The following CMPK1 variants were observed in gnomAD, a reference collection of about 807,000 sequenced individuals.
CMPK1 encodes cytidine/uridine monophosphate kinase 1, also known as UMP-CMP kinase.
CMPK1 carries 10 observed loss-of-function variants against 25.7 expected under a neutral mutation model. That is an observed-to-expected ratio of 0.39 (90% CI 0.24 to 0.66). The LOEUF (loss-of-function observed/expected upper bound fraction) is 0.66. Ranked by LOEUF, CMPK1 falls within the 30% of genes least tolerant of loss-of-function variation. CMPK1 has a pLI of 0.48. For synonymous variants in CMPK1, 106 were observed against 101.5 expected (o/e 1.04, Z -0.27); for missense variants, 199 against 280.5 (o/e 0.71, Z 2.08).
At chr1:47,376,197 A>G (rs1180487325) in intron 5 of CMPK1, among the ~76,000 whole-genome samples, 1 of 151,898 alleles carries the variant, frequency 6.6e-6, no homozygotes, top group African/African-American at 2.4e-5. Context: ...GTCTAAAGTA[A>G]AATAGATGAA....
Position 47,368,479 on chromosome 1 carries a change from A to G in CMPK1, c.182A>G (p.Tyr61Cys). Residue 61 changes from tyrosine (Y) to cysteine (C), a missense_variant, in exon 2 of 6, where the codon TAC becomes TGC. Physicochemically the swap from Tyr to Cys is radical, Grantham distance 194. This residue lies in a region of CMPK1 where 140 missense variants were observed against 235.5 expected (regional missense o/e 0.59). Coordinates refer to ENST00000371873, the MANE Select transcript of CMPK1 (RefSeq NM_016308.3). ...GTGTGCTTCTTTCAGAAATATGGCT[A>G]CACACACCTTTCTGCAGGAGAGCTG... ...QCARIVEKYGYTHLSAGELLR... is the reference protein window; with the variant it reads ...QCARIVEKYGCTHLSAGELLR... 6.2e-7 allele frequency: 1 copy of G among 1,611,266 alleles called. No individual in the cohort carries two copies. Among genetic ancestry groups the G allele is most frequent in the East Asian group, 2.2e-5 (1 of 44,708 alleles).
intron 1 of CMPK1, among the ~76,000 whole-genome samples, chr1:47,351,656 T>C (rs1020607655): frequency 9.9e-5 from 15 of 152,200 alleles, no homozygotes; most frequent in Non-Finnish European, 2.2e-4. Context: ...AAGGAACCAC[T>C]AAACTATTTT....
At chr1:47,355,797 G>A (rs1400709693) in intron 1 of CMPK1, among the ~76,000 whole-genome samples, 1 of 151,808 alleles carries the variant, frequency 6.6e-6, no homozygotes, top group Non-Finnish European at 1.5e-5. Context: ...AGTAGAGACA[G>A]GGTTTCACTA....
At chr1:47,346,125 C>T (rs879290611) in intron 1 of CMPK1, among the ~76,000 whole-genome samples, 1 of 152,070 alleles carries the variant, frequency 6.6e-6, no homozygotes, top group Non-Finnish European at 1.5e-5. Context: ...TCTTGGCTCA[C>T]TGCAACCTCT....
chr1:47,334,979 A>G (rs770931746), intron 1 of CMPK1, among the ~76,000 whole-genome samples: 8 of 152,162 alleles, frequency 5.3e-5, no homozygotes, highest in Non-Finnish European at 2.9e-5. Context: ...TCTTTTAACA[A>G]TTTTTGAGCT....
chr1:47,337,636 C>T (rs1327324575), intron 1 of CMPK1, among the ~76,000 whole-genome samples: 5 of 146,184 alleles, frequency 3.4e-5, no homozygotes, highest in East Asian at 2.0e-4. Flanking sequence ...TTTTTTGAGA[C>T]GAAGTGTCAC....
chr1:47,342,706 A>G (rs1422160199), intron 1 of CMPK1, among the ~76,000 whole-genome samples: 2 of 138,978 alleles, frequency 1.4e-5, no homozygotes, highest in Non-Finnish European at 3.0e-5. Context: ...CTGGAGTGCA[A>G]TGGTGCCATC....
At chr1:47,371,964 A>G (rs564323101) in intron 2 of CMPK1, among the ~76,000 whole-genome samples, 3 of 152,248 alleles carry the variant, frequency 2.0e-5, no homozygotes, top group South Asian at 2.1e-4. Flanking sequence ...GAATCATCCT[A>G]TATTCTCCTG....
chr1:47,354,960 C>T (rs982716803), intron 1 of CMPK1, among the ~76,000 whole-genome samples: 1 of 151,958 alleles, frequency 6.6e-6, no homozygotes, highest in African/African-American at 2.4e-5. Flanking sequence ...CATATTCTTA[C>T]CATTGCTGAA....
chr1:47,334,462 C>T (rs1157151539), intron 1 of CMPK1, among the ~76,000 whole-genome samples: 1 of 152,212 alleles, frequency 6.6e-6, no homozygotes, highest in Admixed American at 6.5e-5. Flanking sequence ...GTTAGCGTGT[C>T]GCTGATCGTG....
At chr1:47,343,279 G>A (rs1424942824) in intron 1 of CMPK1, among the ~76,000 whole-genome samples, 1 of 148,326 alleles carries the variant, frequency 6.7e-6, no homozygotes, top group African/African-American at 2.5e-5. Flanking sequence ...GAGCCACAAT[G>A]CCCGGCCCTC....
At chr1:47,358,359 C>T (rs767489560) in intron 1 of CMPK1, 6 of 1,129,084 alleles carry the variant, frequency 5.3e-6, no homozygotes, top group Non-Finnish European at 5.9e-6. Flanking sequence ...GCAACCCTCT[C>T]GTCTTGACCT....
intron 1 of CMPK1, among the ~76,000 whole-genome samples, chr1:47,353,047 A>G (rs2149328840): frequency 6.6e-6 from 1 of 152,246 alleles, no homozygotes; most frequent in Non-Finnish European, 1.5e-5. Flanking sequence ...TTTGTTATCT[A>G]AGCAGTGATT....
At chr1:47,337,073 A>G (rs969531715) in intron 1 of CMPK1, among the ~76,000 whole-genome samples, 2 of 152,194 alleles carry the variant, frequency 1.3e-5, no homozygotes, top group Non-Finnish European at 2.9e-5. Context: ...TCACGAGGTC[A>G]GGAGATTGAG....
At chr1:47,375,719 C>T (rs1229656596) in intron 5 of CMPK1, among the ~76,000 whole-genome samples, 1 of 152,200 alleles carries the variant, frequency 6.6e-6, no homozygotes, top group Non-Finnish European at 1.5e-5. Flanking sequence ...CTCCAGGCTT[C>T]TTTCTTCTGC....
chr1:47,369,984 G>A (rs140731834), intron 2 of CMPK1, among the ~76,000 whole-genome samples: 3,116 of 142,682 alleles, frequency 0.022, 118 homozygotes, highest in East Asian at 0.19. Flanking sequence ...GCGTGAACTC[G>A]GCTCACTGCA....
intron 2 of CMPK1, 79 bp from the exon 3 acceptor site, chr1:47,372,876 A>C: frequency 1.1e-6 from 1 of 931,434 alleles, no homozygotes; most frequent in Non-Finnish European, 1.5e-6. Flanking sequence ...ATAATAAAAC[A>C]CCCATGTATA....
At chr1:47,335,041 G>A (rs7529388) in intron 1 of CMPK1, among the ~76,000 whole-genome samples, 19,851 of 152,108 alleles carry the variant, frequency 0.13, 4,227 homozygotes, top group African/African-American at 0.45. Context: ...AAGGCTTCAT[G>A]GACAATCTGG....
intron 1 of CMPK1, among the ~76,000 whole-genome samples, chr1:47,359,729 C>T (rs971049570): frequency 2.0e-5 from 3 of 151,854 alleles, no homozygotes; most frequent in African/African-American, 7.3e-5. Context: ...AGAGGCTGGT[C>T]TTGAACTCCT....
Sources: gnomAD v4.1 joint callset for allele counts (sites outside exome capture counted in the v4.1 genomes callset) on GRCh38, gnomAD v4.1.1 for gene constraint, gnomAD v4.1.1 regional missense constraint, MANE v1.5 for transcripts, NCBI Gene and HGNC (gene_info 2026-07-23, HGNC 2026-07-21) for gene names.